The following SNX2 variants were observed in gnomAD, a reference collection of about 807,000 sequenced individuals.
SNX2 encodes sorting nexin-2.
In SNX2, 25 loss-of-function variants were observed where a neutral mutation model predicts 69.9. The ratio of observed to expected loss-of-function variants is 0.36; its 90% CI spans 0.26 to 0.50. The LOEUF is 0.50. Among genes scored for constraint, SNX2 ranks in the 20% least tolerant of loss-of-function variants. The pLI is 0.97. For missense variants in SNX2, 551 were observed against 613.3 expected, an observed-to-expected ratio of 0.90 and a Z score of 1.07; for synonymous variants, 229 against 200.4, an observed-to-expected ratio of 1.14 and a Z score of -1.20.
chr5:122,776,571 C>G (rs979728878), intron 1 of SNX2, among the ~76,000 whole-genome samples: 4 of 152,202 alleles, frequency 2.6e-5, no homozygotes, highest in Non-Finnish European at 5.9e-5. Context: ...TAAAAATTAT[C>G]TTGCAGAATA....
Position 122,832,529 on chromosome 5 carries a change from C to G in SNX2, c.*2881C>G, listed in dbSNP as rs769753500. On this transcript the variant is annotated 3_prime_UTR_variant, in exon 15 of 15. Transcript: ENST00000379516. ...TACCTTTGTTTCATTGTTGCTACTC[C>G]TTAAACTTTTTTCTTTATTATCTAG... 7 of 151,964 alleles carry G rather than the reference C, an allele frequency of 4.6e-5. No individual in the cohort carries two copies. The highest frequency in any genetic ancestry group is 1.7e-4 in the African/African-American group (7 of 41,354). The allele number at this position is 151,964 out of a possible 1,614,324, so 9.4% of individuals were successfully genotyped here.
intron 6 of SNX2, among the ~76,000 whole-genome samples, chr5:122,807,993 A>G (rs556232576): frequency 6.6e-6 from 1 of 152,298 alleles, no homozygotes; most frequent in African/African-American, 2.4e-5. Context: ...CAGATAAGGG[A>G]TCTTTTTGAT....
At chr5:122,798,279 C>T (rs1213350069) in intron 2 of SNX2, among the ~76,000 whole-genome samples, 3 of 152,020 alleles carry the variant, frequency 2.0e-5, no homozygotes, top group Non-Finnish European at 4.4e-5. Flanking sequence ...TTACGGTAGG[C>T]TTATCTATAG....
Position 122,833,130 on chromosome 5 carries a change from TC to T in SNX2, c.*3484del, listed in dbSNP as rs1484671318. The T allele has an allele frequency of 1.3e-5, 2 of 152,182 alleles. No homozygotes were observed. Among genetic ancestry groups the T allele is most frequent in the Admixed American group, 6.5e-5 (1 of 15,268 alleles). 9.4% of individuals were successfully genotyped at this position (152,182 alleles called of 1,614,324 possible). ...ACCCACCCTCCCTTCGACACACACTTCCTTATGTAAAATCAGAATCAAATAA... is the reference window on the plus strand; with the variant it reads ...ACCCACCCTCCCTTCGACACACACTTCTTATGTAAAATCAGAATCAAATAA... On this transcript the variant is annotated 3_prime_UTR_variant, in exon 15 of 15. Transcript: ENST00000379516.
intron 7 of SNX2, among the ~76,000 whole-genome samples, chr5:122,811,850 T>TAAATAAAAA (rs539958903): frequency 6.6e-6 from 1 of 150,900 alleles, no homozygotes; most frequent in Non-Finnish European, 1.5e-5. Flanking sequence ...AATAAATAAA[T>TAAATAAAAA]AAATAAATAA....
intron 1 of SNX2, among the ~76,000 whole-genome samples, chr5:122,791,818 A>C (rs994779269): frequency 6.6e-6 from 1 of 152,264 alleles, no homozygotes; most frequent in Admixed American, 6.5e-5. Flanking sequence ...AATGATAGTC[A>C]TTGAGTGTTT....
At chr5:122,780,806 G>A (rs1752964343) in intron 1 of SNX2, among the ~76,000 whole-genome samples, 1 of 152,074 alleles carries the variant, frequency 6.6e-6, no homozygotes, top group African/African-American at 2.4e-5. Flanking sequence ...CTGACCTTGT[G>A]ATCTGTCCAC....
chr5:122,818,845 CT>C lies in SNX2; in HGVS notation c.1035del (p.Ser347ValfsTer5). On this transcript the variant is annotated frameshift_variant, in exon 11 of 15. Coordinates refer to ENST00000379516, the MANE Select transcript of SNX2 (RefSeq NM_003100.4). LOFTEE classifies it high-confidence loss of function. The stretch of plus-strand genomic sequence containing the variant: ...CTTTCAGCCAACACAGCTGCCTTTG[CT>C]AAAAGTGCTGCCATGTTAGGTAATT... ...KELSANTAAF[A>X]KSAAMLGNSE... The C allele has an allele frequency of 2.5e-6, 4 of 1,613,680 alleles. No homozygotes were observed. The highest frequency in any genetic ancestry group is 3.4e-6 in the Non-Finnish European group (4 of 1,179,754).
In SNX2 at chr5:122,834,454, G is replaced by A. The variant is rs1157873408; in HGVS notation, c.*4806G>A. ...TTAAGGTCAGTTAATGGGATAAACC[G>A]TTTTAAGAGAGTTGAGAAAAAATAA... is the stretch of plus-strand genomic sequence containing the variant. On this transcript the variant is annotated 3_prime_UTR_variant, in exon 15 of 15. Transcript: ENST00000379516. 2 of 152,106 alleles carry A rather than the reference G, an allele frequency of 1.3e-5. No individual in the cohort carries two copies. The highest frequency in any genetic ancestry group is 1.5e-5 in the Non-Finnish European group (1 of 67,998). 9.4% of individuals were successfully genotyped at this position (152,106 alleles called of 1,614,324 possible).
chr5:122,806,171 C>CACACACACACACACACACACA (rs1477439641), intron 6 of SNX2, among the ~76,000 whole-genome samples: 1 of 147,918 alleles, frequency 6.8e-6, no homozygotes. Flanking sequence ...CACACACAGC[C>CACACACACACACACACACACA]CACCATTCCA....
rs1217273136 is a variant in SNX2 at position 122,834,268 on chromosome 5, A to G, written c.*4620A>G. ...CTGTAGTTTACTATCTAGTTTTTTA[A>G]TGCACATGAAGTAATTTAAAATGCT... On this transcript the variant is annotated 3_prime_UTR_variant, in exon 15 of 15. Transcript: ENST00000379516. The G allele has an allele frequency of 6.6e-6, 1 of 152,190 alleles. No individual in the cohort carries two copies. The highest frequency in any genetic ancestry group is 1.5e-5 in the Non-Finnish European group (1 of 68,022). 9.4% of individuals were successfully genotyped at this position (152,190 alleles called of 1,614,324 possible).
chr5:122,822,458 A>G (rs1389522015), intron 11 of SNX2, among the ~76,000 whole-genome samples: 1 of 152,212 alleles, frequency 6.6e-6, no homozygotes, highest in African/African-American at 2.4e-5. Flanking sequence ...TATTTCGAAT[A>G]GGTGCTTAAT....
At chr5:122,778,549 C>T (rs939639879) in intron 1 of SNX2, among the ~76,000 whole-genome samples, 5 of 152,068 alleles carry the variant, frequency 3.3e-5, no homozygotes, top group African/African-American at 4.8e-5. Context: ...CGCTCTGTCA[C>T]CCAGGGTGGA....
intron 12 of SNX2, 74 bp from the exon 13 acceptor site, chr5:122,827,300 GATTAA>G (rs1754171399): frequency 3.4e-6 from 4 of 1,164,384 alleles, no homozygotes; most frequent in Admixed American, 2.1e-5. Flanking sequence ...CAGGCATTGT[GATTAA>G]ATTAAGTGAG....
chr5:122,815,673 T>C (rs1183279900), intron 7 of SNX2: 4 of 307,760 alleles, frequency 1.3e-5, no homozygotes, highest in Non-Finnish European at 2.4e-5. Flanking sequence ...TTTCTCTTTT[T>C]ACGTAATTAT....
At chr5:122,780,581 T>C (rs1050101747) in intron 1 of SNX2, among the ~76,000 whole-genome samples, 3 of 150,558 alleles carry the variant, frequency 2.0e-5, no homozygotes, top group Non-Finnish European at 3.0e-5. Flanking sequence ...CTTTTCTTTT[T>C]TTTTTTTTGA....
chr5:122,800,639 TA>T (rs1451871863), intron 3 of SNX2, among the ~76,000 whole-genome samples: 2 of 152,186 alleles, frequency 1.3e-5, no homozygotes, highest in African/African-American at 4.8e-5. Context: ...ATTTCTGATT[TA>T]GGTTCTGATT....
chr5:122,825,674 A>T (rs1754135275), intron 11 of SNX2, among the ~76,000 whole-genome samples: 1 of 151,900 alleles, frequency 6.6e-6, no homozygotes, highest in Non-Finnish European at 1.5e-5. Context: ...TATGCTTCTA[A>T]TATTATTTAG....
At position 122,819,022 on chromosome 5, in the gene SNX2, A is replaced by G; in HGVS notation, c.1211A>G (p.Lys404Arg). ...SDYIRLIAAV[K>R]GVFDHRMKCW... ...TACATTCGTCTTATTGCTGCAGTGAAAGTAAGCCCTTTCTTGCATGCTTCT... is the reference window on the plus strand; with the variant it reads ...TACATTCGTCTTATTGCTGCAGTGAGAGTAAGCCCTTTCTTGCATGCTTCT... Residue 404 changes from lysine (K) to arginine (R), a missense_variant and splice_region_variant, in exon 11 of 15, where the codon AAA becomes AGA. Lys to Arg is a conservative substitution (Grantham distance 26). This residue lies in a region of SNX2 where 360 missense variants were observed against 450.4 expected (regional missense o/e 0.80). Transcript: ENST00000379516. 2 of 1,611,650 alleles carry G rather than the reference A, an allele frequency of 1.2e-6. No individual in the cohort carries two copies.
Sources: allele counts gnomAD v4.1 joint callset (sites outside exome capture counted in the v4.1 genomes callset), GRCh38; gene constraint gnomAD v4.1.1; regional missense constraint gnomAD v4.1.1; transcripts MANE v1.5; gene names NCBI Gene and HGNC (gene_info 2026-07-23, HGNC 2026-07-21).